The following ZBTB20 variants were observed in gnomAD, a reference collection of about 807,000 sequenced individuals.
The protein encoded by ZBTB20 is zinc finger and BTB domain-containing protein 20.
A neutral mutation model predicts 56.9 loss-of-function variants in ZBTB20; 9 were observed. That is an observed-to-expected ratio of 0.16 (90% confidence interval 0.10 to 0.28). The LOEUF (loss-of-function observed/expected upper bound fraction) is 0.28. Ranked by LOEUF, ZBTB20 falls within the 10% of genes least tolerant of loss-of-function variation. ZBTB20 has a pLI of 1.00. For synonymous variants in ZBTB20, 417 were observed against 420.7 expected (o/e 0.99, Z 0.11); for missense variants, 655 against 1,003.0 (o/e 0.65, Z 4.69).
chr3:114,622,168 A>G (rs1192995354), intron 6 of ZBTB20, among the ~76,000 whole-genome samples: 1 of 152,134 alleles, frequency 6.6e-6, no homozygotes, highest in East Asian at 1.9e-4. Flanking sequence ...AGAAACTATG[A>G]GACAGTTTTC....
chr3:114,776,063 G>A (rs542497404), intron 5 of ZBTB20, among the ~76,000 whole-genome samples: 3 of 134,534 alleles, frequency 2.2e-5, no homozygotes, highest in African/African-American at 8.7e-5. Context: ...AACATACAAA[G>A]TGCGGACAGG....
intron 7 of ZBTB20, among the ~76,000 whole-genome samples, chr3:114,465,707 A>T (rs2092520118): frequency 1.4e-5 from 2 of 145,154 alleles, no homozygotes; most frequent in South Asian, 4.3e-4. Flanking sequence ...ATTCTGTCTT[A>T]AAAAAAAAAA....
At chr3:114,663,661 A>G (rs943640948) in intron 6 of ZBTB20, among the ~76,000 whole-genome samples, 2 of 151,592 alleles carry the variant, frequency 1.3e-5, no homozygotes, top group Non-Finnish European at 3.0e-5. Flanking sequence ...GTGCAGAGAC[A>G]CACATAGGCT....
At chr3:114,381,396 C>G (rs2084326025) in intron 8 of ZBTB20, among the ~76,000 whole-genome samples, 1 of 152,166 alleles carries the variant, frequency 6.6e-6, no homozygotes, top group African/African-American at 2.4e-5. Flanking sequence ...TCAGTCAGCT[C>G]AGGTCTCCTC....
At chr3:114,793,850 T>C (rs915109663) in intron 5 of ZBTB20, among the ~76,000 whole-genome samples, 9 of 152,066 alleles carry the variant, frequency 5.9e-5, no homozygotes, top group African/African-American at 1.9e-4. Flanking sequence ...CTAAAGATTA[T>C]GACATCAATC....
rs115123433 is a variant in ZBTB20, at chr3:114,946,117, T to G, written c.-456+28249A>C. ...GTAAATGATAGAACTTGGTAAAAAGTTGGTAGATAAATAAAAGTTTTGAAC... is the reference window on the plus strand; with the variant it reads ...GTAAATGATAGAACTTGGTAAAAAGGTGGTAGATAAATAAAAGTTTTGAAC... On this transcript the variant is annotated intron_variant, in intron 3 of 11. Coordinates refer to ENST00000675478, the MANE Select transcript of ZBTB20 (RefSeq NM_001348800.3). Among the ~76,000 whole-genome samples the G allele has an allele frequency of 6.4e-3, 930 of 145,386 alleles. 178 individuals carry two copies. The highest frequency in any genetic ancestry group is 0.025 in the African/African-American group (892 of 35,750).
chr3:114,994,161 G>T (rs1363534921), intron 2 of ZBTB20, among the ~76,000 whole-genome samples: 1 of 151,650 alleles, frequency 6.6e-6, no homozygotes, highest in Non-Finnish European at 1.5e-5. Flanking sequence ...AATAACCTGA[G>T]AATATACTAA....
At chr3:115,108,471 T>C (rs981213952) in intron 1 of ZBTB20, among the ~76,000 whole-genome samples, 2 of 152,156 alleles carry the variant, frequency 1.3e-5, no homozygotes, top group African/African-American at 4.8e-5. Flanking sequence ...AGAGGAGTAG[T>C]GGGAATTTCC....
chr3:114,859,720 G>GT (rs2075426394), intron 4 of ZBTB20, among the ~76,000 whole-genome samples: 1 of 151,940 alleles, frequency 6.6e-6, no homozygotes, highest in Non-Finnish European at 1.5e-5. Context: ...GCAATAGCTA[G>GT]TGAAGAAATA....
chr3:114,970,146 C>T (rs1279044959), intron 3 of ZBTB20, among the ~76,000 whole-genome samples: 2 of 152,036 alleles, frequency 1.3e-5, no homozygotes, highest in East Asian at 1.9e-4. Flanking sequence ...TTAATACTGA[C>T]GAGTGTATTA....
Position 114,350,438 on chromosome 3 carries a change from A to G in ZBTB20, c.1640T>C (p.Leu547Pro). ...TGGCAGCTGTGCAGTAAAGGTCGAC[A>G]GACCGGGCTGGGACACTGTCACAAA... Reference protein sequence around the residue: ...TQFVTVSQPGLSTFTAQLPAP... With the variant: ...TQFVTVSQPGPSTFTAQLPAP... Residue 547 changes from leucine to proline, a missense_variant, in exon 11 of 12, where the codon CTG (leucine) becomes CCG (proline). Leu to Pro is a moderately conservative substitution (Grantham distance 98). Transcript: ENST00000675478. The G allele has an allele frequency of 6.2e-7, 1 of 1,613,994 alleles. No individual in the cohort carries two copies. The highest frequency in any genetic ancestry group is 8.5e-7 in the Non-Finnish European group (1 of 1,179,982).
At chr3:114,815,814 C>T (rs1449779236) in intron 4 of ZBTB20, among the ~76,000 whole-genome samples, 1 of 152,066 alleles carries the variant, frequency 6.6e-6, no homozygotes, top group Non-Finnish European at 1.5e-5. Context: ...GAAGTAGCTT[C>T]TAGATGAACA....
intron 6 of ZBTB20, among the ~76,000 whole-genome samples, chr3:114,504,322 C>A (rs115068656): frequency 0.011 from 1,622 of 152,118 alleles, 27 homozygotes; most frequent in African/African-American, 0.037. Flanking sequence ...CTACTGAGTC[C>A]TTCAGGTACC....
intron 5 of ZBTB20, among the ~76,000 whole-genome samples, chr3:114,702,058 C>T (rs1488792030): frequency 6.6e-6 from 1 of 152,096 alleles, no homozygotes; most frequent in Non-Finnish European, 1.5e-5. Flanking sequence ...AGATGATTGG[C>T]TAGGCATGGT....
intron 7 of ZBTB20, among the ~76,000 whole-genome samples, chr3:114,448,122 C>A (rs2091378629): frequency 6.6e-6 from 1 of 152,058 alleles, no homozygotes; most frequent in African/African-American, 2.4e-5. Context: ...TCCTGCCTTG[C>A]ACCATTGCTG....
chr3:114,884,723 C>A (rs1290463786), intron 4 of ZBTB20, among the ~76,000 whole-genome samples: 1 of 152,066 alleles, frequency 6.6e-6, no homozygotes, highest in Non-Finnish European at 1.5e-5. Context: ...CGAAAAAGTT[C>A]TATGTTAAAT....
intron 6 of ZBTB20, among the ~76,000 whole-genome samples, chr3:114,596,387 C>T (rs776998274): frequency 2.5e-4 from 38 of 152,120 alleles, no homozygotes; most frequent in Admixed American, 1.3e-4. Context: ...TTTGAAGATT[C>T]CTATTTTTAT....
chr3:114,441,827 A>C (rs1456797113), intron 7 of ZBTB20, among the ~76,000 whole-genome samples: 1 of 152,166 alleles, frequency 6.6e-6, no homozygotes, highest in East Asian at 1.9e-4. Flanking sequence ...TACAGAGTCC[A>C]AACCTCCTTT....
intron 6 of ZBTB20, among the ~76,000 whole-genome samples, chr3:114,555,770 A>G (rs1369013023): frequency 6.6e-6 from 1 of 152,108 alleles, no homozygotes; most frequent in Non-Finnish European, 1.5e-5. Flanking sequence ...TGGTATGTGC[A>G]TCATGAAAGA....
Sources: gnomAD v4.1 joint callset for allele counts (sites outside exome capture counted in the v4.1 genomes callset) on GRCh38, gnomAD v4.1.1 for gene constraint, MANE v1.5 for transcripts, NCBI Gene and HGNC (gene_info 2026-07-23, HGNC 2026-07-21) for gene names.